UBE2K: variants seen among roughly 807,000 people sequenced by gnomAD.
UBE2K encodes ubiquitin conjugating enzyme E2 K.
Under a neutral mutation model 30.0 loss-of-function variants are expected in UBE2K, and 6 were observed. That is an observed-to-expected ratio of 0.20 (90% CI 0.11 to 0.39). UBE2K has a LOEUF of 0.39. UBE2K is among the 10% of genes least tolerant of loss of function. The pLI is 1.00. For missense variants in UBE2K, 61 were observed against 241.6 expected, an observed-to-expected ratio of 0.25 and a Z score of 4.96; for synonymous variants, 86 against 83.7, an observed-to-expected ratio of 1.03 and a Z score of -0.15.
At chr4:39,759,833 C>G (rs1180598843) in intron 4 of UBE2K, among the ~76,000 whole-genome samples, 2 of 152,110 alleles carry the variant, frequency 1.3e-5, no homozygotes, top group Non-Finnish European at 2.9e-5. Context: ...AATAAGATAA[C>G]TACTACATGC....
chr4:39,770,986 T>A, intron 4 of UBE2K: 1 of 1,605,504 alleles, frequency 6.2e-7, no homozygotes, highest in Non-Finnish European at 8.5e-7. Context: ...GAGGAGGGAC[T>A]TGTTGGCGCT....
At position 39,780,402 on chromosome 4, in the gene UBE2K, CA is replaced by C. The variant is rs1713541890; in HGVS notation, c.*1969del. 6.6e-6 allele frequency: 1 copy of C among 152,028 alleles called. No homozygotes were observed. Among genetic ancestry groups the C allele is most frequent in the Non-Finnish European group, 1.5e-5 (1 of 67,954 alleles). 9.4% of individuals were successfully genotyped at this position (152,028 alleles called of 1,614,324 possible). A position where few individuals can be genotyped will look rare whatever the true frequency, so the allele number is the denominator to read the frequency against. On this transcript the variant is annotated 3_prime_UTR_variant, in exon 7 of 7. Transcript: ENST00000261427. ...CCAGTTTATTTTTTGCCTGTATTATCAGGGTATATTTAATTGTCCTGTGGTT... is the reference window on the plus strand; with the variant it reads ...CCAGTTTATTTTTTGCCTGTATTATCGGGTATATTTAATTGTCCTGTGGTT...
At chr4:39,772,107 G>C (rs966358220) in intron 4 of UBE2K, among the ~76,000 whole-genome samples, 9 of 152,166 alleles carry the variant, frequency 5.9e-5, no homozygotes, top group African/African-American at 2.2e-4. Flanking sequence ...TAAATGCTGG[G>C]ATTACAGGCG....
chr4:39,768,193 C>T (rs1478424578), intron 4 of UBE2K, among the ~76,000 whole-genome samples: 2 of 149,488 alleles, frequency 1.3e-5, no homozygotes, highest in African/African-American at 2.5e-5. Context: ...AATCCCAGCA[C>T]TTTGGGAGGC....
intron 1 of UBE2K, among the ~76,000 whole-genome samples, chr4:39,723,362 C>CCT (rs1553875737): frequency 3.0e-4 from 32 of 108,374 alleles, no homozygotes; most frequent in Non-Finnish European, 1.2e-4. Context: ...GCTGTCTTCT[C>CCT]TTTTTTTTTT....
chr4:39,698,529 T>TC, intron 1 of UBE2K, 139 bp downstream of exon 1: 1 of 746,562 alleles, frequency 1.3e-6, no homozygotes, highest in Non-Finnish European at 2.3e-6. Context: ...GCAGCAGTGT[T>TC]CCCCTCCTCC....
At chr4:39,762,647 CTT>C (rs953600037) in intron 4 of UBE2K, among the ~76,000 whole-genome samples, 1 of 152,170 alleles carries the variant, frequency 6.6e-6, no homozygotes, top group Non-Finnish European at 1.5e-5. Context: ...TTTTAAAACA[CTT>C]TGTTTGAGAC....
rs1001782598 is a variant in UBE2K, at chr4:39,770,351, G to A, written c.300-4483G>A. 2.5e-6 allele frequency: 4 copies of A among 1,613,526 alleles called. No homozygotes were observed. The African/African-American group carries it at 5.3e-5, about 22-fold the overall frequency. On this transcript the variant is annotated intron_variant, in intron 4 of 6. Coordinates refer to ENST00000261427, the MANE Select transcript of UBE2K (RefSeq NM_005339.5). Reference sequence around the variant, plus strand: ...TCCTGTGGTGGTTGAGGTTGTTGCTGTGGTTGAACTCCTTGCCACAGCGAG... The same window carrying A: ...TCCTGTGGTGGTTGAGGTTGTTGCTATGGTTGAACTCCTTGCCACAGCGAG...
At chr4:39,708,369 T>C (rs1718494180) in intron 1 of UBE2K, among the ~76,000 whole-genome samples, 1 of 152,018 alleles carries the variant, frequency 6.6e-6, no homozygotes, top group African/African-American at 2.4e-5. Context: ...GATCTTAACT[T>C]TCTTCATGGT....
chr4:39,770,813 G>A (rs1712750618), intron 4 of UBE2K: 22 of 1,552,260 alleles, frequency 1.4e-5, no homozygotes, highest in Non-Finnish European at 1.9e-5. Flanking sequence ...CCACCTTGAC[G>A]ATGCAGATGT....
chr4:39,706,711 G>T (rs1022045333), intron 1 of UBE2K, among the ~76,000 whole-genome samples: 1 of 151,774 alleles, frequency 6.6e-6, no homozygotes, highest in African/African-American at 2.4e-5. Context: ...AAGATTACAA[G>T]TGTGAGCCAC....
At chr4:39,699,458 C>G (rs1418889442) in intron 1 of UBE2K, among the ~76,000 whole-genome samples, 1 of 152,140 alleles carries the variant, frequency 6.6e-6, no homozygotes, top group East Asian at 1.9e-4. Flanking sequence ...AATTTAGATA[C>G]ATTTGTACTA....
At chr4:39,728,207 A>G (rs1025409724) in intron 1 of UBE2K, among the ~76,000 whole-genome samples, 14 of 152,120 alleles carry the variant, frequency 9.2e-5, no homozygotes, top group African/African-American at 3.4e-4. Context: ...TTCACTGATT[A>G]TTAGCTTTGT....
rs35941407 is a variant in UBE2K, at chr4:39,706,471, CT to C, written c.63+8098del. Among the ~76,000 whole-genome samples, 726 of 133,496 alleles carry C rather than the reference CT, an allele frequency of 5.4e-3. 5 individuals carry two copies. Among genetic ancestry groups the C allele is most frequent in the African/African-American group, 0.014 (505 of 36,446 alleles). 87.6% of individuals were successfully genotyped at this position (133,496 alleles called of 152,430 possible). A position where few individuals can be genotyped will look rare whatever the true frequency, so the allele number is the denominator to read the frequency against. On this transcript the variant is annotated intron_variant, in intron 1 of 6. Transcript: ENST00000261427. ...AGCCACCATGCCTGGCATGCCTGGA[CT>C]TTTTTTTTTTTTTTTTCCCAGATGG...
chr4:39,701,087 A>G (rs1364931209), intron 1 of UBE2K, among the ~76,000 whole-genome samples: 1 of 152,108 alleles, frequency 6.6e-6, no homozygotes, highest in East Asian at 1.9e-4. Flanking sequence ...ACTTAAAGGC[A>G]TCATTTGGCC....
intron 1 of UBE2K, among the ~76,000 whole-genome samples, chr4:39,735,860 GTAAGT>G (rs1364276817): frequency 6.6e-6 from 1 of 152,092 alleles, no homozygotes; most frequent in Non-Finnish European, 1.5e-5. Flanking sequence ...TAATTAGAAA[GTAAGT>G]TTTTAAATCC....
At chr4:39,710,592 C>T (rs775356207) in intron 1 of UBE2K, among the ~76,000 whole-genome samples, 4 of 151,984 alleles carry the variant, frequency 2.6e-5, no homozygotes, top group Non-Finnish European at 5.9e-5. Flanking sequence ...TTATATATGG[C>T]AGCTTTATGG....
chr4:39,775,022 T>C (rs1713202820), intron 5 of UBE2K, 89 bp downstream of exon 5: 1 of 681,194 alleles, frequency 1.5e-6, no homozygotes. Flanking sequence ...ATGAGCATAC[T>C]CTATTGAAAC....
chr4:39,704,793 T>C (rs1265190806), intron 1 of UBE2K, among the ~76,000 whole-genome samples: 3 of 151,514 alleles, frequency 2.0e-5, no homozygotes, highest in African/African-American at 7.3e-5. Flanking sequence ...CCTCCGGCCT[T>C]GGCCACCTGA....
Sources: allele counts gnomAD v4.1 joint callset (sites outside exome capture counted in the v4.1 genomes callset), GRCh38; gene constraint gnomAD v4.1.1; transcripts MANE v1.5; gene names NCBI Gene and HGNC (gene_info 2026-07-23, HGNC 2026-07-21).